Variants in SFMBT2 observed in about 807,000 individuals in gnomAD.
The protein encoded by SFMBT2 is Scm like with four mbt domains 2.
Under a neutral mutation model 110.1 loss-of-function variants are expected in SFMBT2, and 38 were observed. The observed-to-expected ratio is 0.35, with a 90% CI of 0.27 to 0.45. The LOEUF (loss-of-function observed/expected upper bound fraction) is 0.45. Ranked by LOEUF, SFMBT2 falls within the 20% of genes least tolerant of loss-of-function variation. The pLI, the probability that SFMBT2 is intolerant of heterozygous loss-of-function variation, is 1.00. For synonymous variants in SFMBT2, 425 were observed against 425.4 expected, an observed-to-expected ratio of 1.00 and a Z score of 0.01; for missense variants, 1,011 against 1,094.9, an observed-to-expected ratio of 0.92 and a Z score of 1.08.
chr10:7,288,977 A>G (rs1842185951), intron 4 of SFMBT2, among the ~76,000 whole-genome samples: 1 of 151,092 alleles, frequency 6.6e-6, no homozygotes, highest in Admixed American at 6.6e-5. Flanking sequence ...TGGGCGACAG[A>G]GCGAGACACT....
intron 6 of SFMBT2, among the ~76,000 whole-genome samples, chr10:7,280,581 G>C (rs1841923265): frequency 6.6e-6 from 1 of 152,142 alleles, no homozygotes; most frequent in Non-Finnish European, 1.5e-5. Flanking sequence ...TAACCTCAAT[G>C]ACGTACTTAC....
Position 7,172,998 on chromosome 10 carries a change from C to T in SFMBT2, c.1985-337G>A, listed in dbSNP as rs1378025137. On this transcript the variant is annotated intron_variant, in intron 17 of 20. Transcript: ENST00000397167. The surrounding 1 kb of genome is among the most constrained non-coding windows in gnomAD (Gnocchi z 4.6). The stretch of plus-strand genomic sequence containing the variant: ...GTCCTAAGAGTGTCCAGGAGAGACA[C>T]CAAGGACCCAAGACCCAAAGGAGAG... 6.6e-6 allele frequency among the ~76,000 whole-genome samples: 1 copy of T among 152,052 alleles called. No homozygotes were observed. Among genetic ancestry groups the T allele is most frequent in the African/African-American group, 2.4e-5 (1 of 41,388 alleles).
rs745976980 is a variant in SFMBT2 at position 7,284,018 on chromosome 10, A to G, written c.658T>C (p.Tyr220His). 3 of 1,614,042 alleles carry G rather than the reference A, an allele frequency of 1.9e-6. No homozygotes were observed. Among genetic ancestry groups the G allele is most frequent in the Non-Finnish European group, 2.5e-6 (3 of 1,179,896 alleles). Residue 220 changes from tyrosine to histidine, a missense_variant, in exon 6 of 21, where the codon TAT becomes CAT. Tyr to His is a moderately conservative substitution (Grantham distance 83, BLOSUM62 2). This residue lies in a region of SFMBT2 where 979 missense variants were observed against 1,016.1 expected (regional missense o/e 0.96). Coordinates refer to ENST00000397167, the MANE Select transcript of SFMBT2 (RefSeq NM_001387889.1). ...GATTCAGTGTCCTCCAATCCCACAT[A>G]GCGAAGGCGTAATCTTCCTCCAACA... ...ENVGGRLRLR[Y>H]VGLEDTESYD... is the part of the protein sequence containing the mutation.
At chr10:7,390,145 A>G (rs1180496860) in intron 1 of SFMBT2, among the ~76,000 whole-genome samples, 1 of 152,174 alleles carries the variant, frequency 6.6e-6, no homozygotes, top group Non-Finnish European at 1.5e-5. Flanking sequence ...GTGCACTGGA[A>G]GCGTATCTAG....
At chr10:7,235,598 A>T (rs761572880) in intron 9 of SFMBT2, among the ~76,000 whole-genome samples, 4 of 151,780 alleles carry the variant, frequency 2.6e-5, no homozygotes, top group Non-Finnish European at 5.9e-5. Context: ...TACCACACAT[A>T]CACATCACAT....
chr10:7,345,077 C>T (rs12250591), intron 4 of SFMBT2, among the ~76,000 whole-genome samples: 1 of 151,758 alleles, frequency 6.6e-6, no homozygotes, highest in Non-Finnish European at 1.5e-5. Context: ...GTGAAAGAAC[C>T]CTGACAGGGC....
chr10:7,340,383 G>C (rs1843854984), intron 4 of SFMBT2, among the ~76,000 whole-genome samples: 1 of 152,028 alleles, frequency 6.6e-6, no homozygotes, highest in South Asian at 2.1e-4. Context: ...CTTCAAATTC[G>C]TGTTGTTCAA....
At chr10:7,407,435 A>G (rs987868020) in intron 1 of SFMBT2, among the ~76,000 whole-genome samples, 8 of 152,088 alleles carry the variant, frequency 5.3e-5, no homozygotes, top group Non-Finnish European at 1.2e-4. Flanking sequence ...GCCAGATCCA[A>G]GAGGGGTCGG....
chr10:7,265,545 G>A (rs1841358922), intron 7 of SFMBT2, among the ~76,000 whole-genome samples: 2 of 152,100 alleles, frequency 1.3e-5, no homozygotes, highest in African/African-American at 4.8e-5. Flanking sequence ...AAATTAATTG[G>A]GAGGCCAAAT....
chr10:7,348,272 T>C, intron 4 of SFMBT2: 1 of 1,515,314 alleles, frequency 6.6e-7, no homozygotes, highest in South Asian at 1.3e-5. Context: ...CGAAGAAGTT[T>C]TGAGACATCC....
At chr10:7,204,954 T>C in intron 12 of SFMBT2, 1 of 984,836 alleles carries the variant, frequency 1.0e-6, no homozygotes, top group Non-Finnish European at 1.2e-6. Flanking sequence ...GGGCGTTTAC[T>C]GCTGGGTTAA....
intron 4 of SFMBT2, among the ~76,000 whole-genome samples, chr10:7,335,589 A>ACC (rs1037080636): frequency 6.2e-5 from 9 of 144,240 alleles, no homozygotes; most frequent in African/African-American, 2.5e-4. Flanking sequence ...AGAAACACAC[A>ACC]CACACACACA....
At chr10:7,175,967 CT>C (rs1318784753) in intron 17 of SFMBT2, 22 bp downstream of exon 17, 3 of 1,598,242 alleles carry the variant, frequency 1.9e-6, no homozygotes, top group Non-Finnish European at 2.6e-6. Context: ...TCATGCATTT[CT>C]TTTTTCATTA....
chr10:7,178,629 A>C (rs777984904), intron 16 of SFMBT2, among the ~76,000 whole-genome samples: 5 of 152,196 alleles, frequency 3.3e-5, no homozygotes, highest in Non-Finnish European at 7.3e-5. Context: ...AGATATTGTC[A>C]CTTGTTGCTC....
At chr10:7,227,461 C>T (rs1839927859) in intron 10 of SFMBT2, among the ~76,000 whole-genome samples, 1 of 152,232 alleles carries the variant, frequency 6.6e-6, no homozygotes, top group Admixed American at 6.5e-5. Flanking sequence ...AAGTAAACAG[C>T]AATAACATAC....
chr10:7,346,220 A>G (rs1844103333), intron 4 of SFMBT2, among the ~76,000 whole-genome samples: 1 of 152,304 alleles, frequency 6.6e-6, no homozygotes, highest in African/African-American at 2.4e-5. Flanking sequence ...GAAACATTTT[A>G]ATCACCAGCC....
intron 15 of SFMBT2, among the ~76,000 whole-genome samples, chr10:7,191,927 G>C (rs906182300): frequency 1.3e-5 from 2 of 152,084 alleles, no homozygotes; most frequent in Non-Finnish European, 2.9e-5. Context: ...GGAGGCTCAG[G>C]AGTTATCATT....
intron 12 of SFMBT2, chr10:7,203,048 T>A: frequency 1.0e-6 from 1 of 985,452 alleles, no homozygotes; most frequent in Non-Finnish European, 1.2e-6. Context: ...TTTCTTTGGA[T>A]AAGAACATTT....
Position 7,323,279 on chromosome 10 carries a change from G to A in SFMBT2, c.437-37325C>T, listed in dbSNP as rs529515485. 5.3e-5 allele frequency among the ~76,000 whole-genome samples: 8 copies of A among 151,908 alleles called. No homozygotes were observed. In the South Asian group the frequency reaches 8.3e-4, roughly 16 times the overall value. On this transcript the variant is annotated intron_variant, in intron 4 of 20. Coordinates refer to ENST00000397167, the MANE Select transcript of SFMBT2 (RefSeq NM_001387889.1). ...AGCATGACCAATATGGTGAAACTCC[G>A]TCTCTACTAAAAATACAAAAAGTTA...
Sources: gnomAD v4.1 joint callset for allele counts (sites outside exome capture counted in the v4.1 genomes callset) on GRCh38, gnomAD v4.1.1 for gene constraint, gnomAD v4.1.1 regional missense constraint, Gnocchi (gnomAD v3.1) non-coding constraint, MANE v1.5 for transcripts, NCBI Gene and HGNC (gene_info 2026-07-23, HGNC 2026-07-21) for gene names.